SHPRH: variants seen among roughly 807,000 people sequenced by gnomAD.
The protein encoded by SHPRH is E3 ubiquitin-protein ligase SHPRH.
A neutral mutation model predicts 202.5 loss-of-function variants in SHPRH; 106 were observed. The observed-to-expected ratio is 0.52, with a 90% CI of 0.45 to 0.62. The LOEUF is 0.62. SHPRH is among the 20% of genes least tolerant of loss of function. SHPRH has a pLI of 0.00. For missense variants in SHPRH, 1,710 were observed against 2,020.0 expected (o/e 0.85, Z 2.94); for synonymous variants, 729 against 686.0 (o/e 1.06, Z -0.98).
intron 10 of SHPRH, 74 bp from the exon 11 acceptor site, chr6:145,940,875 C>A: frequency 6.9e-7 from 1 of 1,441,812 alleles, no homozygotes; most frequent in South Asian, 1.2e-5. Flanking sequence ...CAGGCATACT[C>A]ATGAAAAACA....
At chr6:145,870,530 G>A (rs1780012431) in intron 2 of SHPRH, among the ~76,000 whole-genome samples, 1 of 152,090 alleles carries the variant, frequency 6.6e-6, no homozygotes, top group Admixed American at 6.5e-5. Flanking sequence ...CCAAAGTGCT[G>A]GGATTACAGG....
chr6:145,887,536 T>G (rs963240053), intron 29 of SHPRH, among the ~76,000 whole-genome samples: 9 of 147,582 alleles, frequency 6.1e-5, no homozygotes, highest in Admixed American at 1.3e-4. Flanking sequence ...CAAGTTTGTT[T>G]TTTTTTTTTT....
downstream of SHPRH, chr6:145,864,128 C>G (rs1019169816): frequency 6.1e-6 from 1 of 163,718 alleles, no homozygotes; most frequent in African/African-American, 2.4e-5. Flanking sequence ...GATCACTTCC[C>G]CTCTCCTTGT....
At chr6:145,893,665 A>C (rs560841632) in intron 27 of SHPRH, among the ~76,000 whole-genome samples, 4 of 152,304 alleles carry the variant, frequency 2.6e-5, no homozygotes, top group African/African-American at 9.6e-5. Flanking sequence ...ATTAAACTAC[A>C]TGAGGTTAGA....
Position 145,964,069 on chromosome 6 carries a change from C to T in SHPRH, c.-371G>A, listed in dbSNP as rs10223508. 0.55 allele frequency: 82,888 copies of T among 151,622 alleles called. 23,108 individuals are homozygous for T. The highest frequency in any genetic ancestry group is 0.67 in the Admixed American group (10,233 of 15,224). 9.4% of individuals were successfully genotyped at this position (151,622 alleles called of 1,614,324 possible). On this transcript the variant is annotated 5_prime_UTR_variant, in exon 1 of 30. Transcript: ENST00000275233. ...CCCGGGCTCCAGGACAACCAGCGTCCTCCCTCCCTGGTCCCGGAGGCCAAA... is the reference window on the plus strand; with the variant it reads ...CCCGGGCTCCAGGACAACCAGCGTCTTCCCTCCCTGGTCCCGGAGGCCAAA...
chr6:145,920,059 A>ATT (rs1325029668), intron 21 of SHPRH, among the ~76,000 whole-genome samples: 2 of 152,090 alleles, frequency 1.3e-5, no homozygotes, highest in Non-Finnish European at 2.9e-5. Context: ...TATTCTTAAT[A>ATT]ATTCAGTTAT....
intron 6 of SHPRH, 68 bp from the exon 7 acceptor site, chr6:145,946,409 T>C: frequency 2.4e-6 from 3 of 1,253,864 alleles, no homozygotes; most frequent in Non-Finnish European, 3.3e-6. Flanking sequence ...CTTATTGAAA[T>C]TAACTTTCCT....
Position 145,893,203 on chromosome 6 carries a change from T to G in SHPRH, c.4874+12A>C. 6.6e-7 allele frequency: 1 copy of G among 1,508,054 alleles called. No individual in the cohort carries two copies. The highest frequency in any genetic ancestry group is 8.9e-7 in the Non-Finnish European group (1 of 1,129,634). The allele number at this position is 1,508,054 out of a possible 1,614,324, so 93.4% of individuals were successfully genotyped here. The stretch of plus-strand genomic sequence containing the variant: ...TGAAGCAAATGTGACTGATTCTAAT[T>G]TTAGTCCTTACTTTGTCTGTCCAAT... On this transcript the variant is annotated intron_variant, in intron 28 of 29. Transcript: ENST00000275233.
downstream of SHPRH, among the ~76,000 whole-genome samples, chr6:145,861,438 AAAG>A (rs1779576924): frequency 6.6e-6 from 1 of 152,048 alleles, no homozygotes; most frequent in African/African-American, 2.4e-5. Context: ...CAAAAAAAAA[AAAG>A]GAGAACAAGT....
chr6:145,933,103 C>T lies in SHPRH; in HGVS notation c.3066G>A (p.Gln1022=). 2 of 1,613,890 alleles carry T rather than the reference C, an allele frequency of 1.2e-6. No homozygotes were observed. The highest frequency in any genetic ancestry group is 1.7e-5 in the Admixed American group (1 of 60,012). ...CGTECEEAHR[Q]LVCALNGLAG... ...CTAAGCCATTGAGAGCACAAACTAG[C>T]TGTCGATGTGCTTCTTCACATTCAG... Residue 1022 remains glutamine, a synonymous_variant, in exon 14 of 30, where the codon CAG becomes CAA. Transcript: ENST00000275233.
intron 1 of SHPRH, among the ~76,000 whole-genome samples, chr6:145,957,304 C>G (rs558106572): frequency 6.6e-6 from 1 of 151,832 alleles, no homozygotes; most frequent in South Asian, 2.1e-4. Context: ...AAAAAAGGCA[C>G]AAAAATTTTT....
In SHPRH at chr6:145,877,978, C is replaced by T. The variant is rs576224149; in HGVS notation, c.221+10042G>A. The T allele has an allele frequency of 2.0e-5, 3 of 152,284 alleles. No individual in the cohort carries two copies. In the South Asian group the frequency reaches 6.2e-4, roughly 32 times the overall value. 9.4% of individuals were successfully genotyped at this position (152,284 alleles called of 1,614,324 possible). On this transcript the variant is annotated intron_variant, in intron 2 of 2. Coordinates refer to the SHPRH transcript ENST00000417762. ...CTCTAAAATATATAAAACCAAGCTG[C>T]ACCCCGACCACCTTGGGCACATGTT...
chr6:145,944,764 T>C lies in SHPRH; in HGVS notation c.1578+617A>G, dbSNP rs577648069. Among the ~76,000 whole-genome samples, 14 of 152,182 alleles carry C rather than the reference T, an allele frequency of 9.2e-5. No individual in the cohort carries two copies. The South Asian group carries it at 1.7e-3, about 18-fold the overall frequency. ...TTATAACTATTTTCCTAAAAGCAAATTGAAATTACTGGCCCAACAGAAGCA... is the reference window on the plus strand; with the variant it reads ...TTATAACTATTTTCCTAAAAGCAAACTGAAATTACTGGCCCAACAGAAGCA... On this transcript the variant is annotated intron_variant, in intron 8 of 29. Coordinates refer to ENST00000275233, the MANE Select transcript of SHPRH (RefSeq NM_001042683.3).
chr6:145,923,858 G>C, intron 17 of SHPRH, 73 bp from the exon 18 acceptor site: 1 of 1,456,384 alleles, frequency 6.9e-7, no homozygotes, highest in Non-Finnish European at 9.3e-7. Context: ...CACTGGGCAG[G>C]GTGATGCCAA....
chr6:145,923,389 A>G (rs1277445650), intron 18 of SHPRH, among the ~76,000 whole-genome samples: 1 of 151,868 alleles, frequency 6.6e-6, no homozygotes, highest in Non-Finnish European at 1.5e-5. Flanking sequence ...TCACATTATG[A>G]AGTGTAAAAT....
chr6:145,912,351 T>A (rs934059596), intron 24 of SHPRH, among the ~76,000 whole-genome samples: 1 of 152,130 alleles, frequency 6.6e-6, no homozygotes, highest in African/African-American at 2.4e-5. Flanking sequence ...TCCAATATGG[T>A]CTTCCAAGTG....
At chr6:145,963,456 C>G (rs1358600409) in intron 1 of SHPRH, among the ~76,000 whole-genome samples, 1 of 152,198 alleles carries the variant, frequency 6.6e-6, no homozygotes, top group Non-Finnish European at 1.5e-5. Context: ...GCTTCCTGGT[C>G]ATTATTTAAC....
chr6:145,919,393 C>T lies in SHPRH; in HGVS notation c.4107G>A (p.Glu1369=), dbSNP rs1784234341. ...TERLRVRDPR[E]PKPNPPVLHI... ...GAAGAACAGGCGGATTAGGCTTTGG[C>T]TCCCTAGGATCACGCACTCTTAGTC... The change falls in exon 22 of 30, where the codon GAG becomes GAA. Residue 1369 remains glutamate, a synonymous_variant. Transcript: ENST00000275233. The T allele has an allele frequency of 1.2e-6, 2 of 1,613,216 alleles. No individual in the cohort carries two copies. Among genetic ancestry groups the T allele is most frequent in the Non-Finnish European group, 1.7e-6 (2 of 1,179,420 alleles).
At position 145,963,936 on chromosome 6, in the gene SHPRH, G is replaced by T. The variant is rs1024910169; in HGVS notation, c.-238C>A. On this transcript the variant is annotated 5_prime_UTR_variant, in exon 1 of 30. It introduces an in-frame stop codon into an upstream open reading frame of the 5' UTR. Coordinates refer to ENST00000275233, the MANE Select transcript of SHPRH (RefSeq NM_001042683.3). ...GGAGAAGCACAGCCTCCTTTCCCAC[G>T]ACCCCACTTTATCCCCGGAGGGACG... 2.0e-5 allele frequency: 3 copies of T among 152,272 alleles called. No homozygotes were observed. Among genetic ancestry groups the T allele is most frequent in the African/African-American group, 7.2e-5 (3 of 41,428 alleles). 9.4% of individuals were successfully genotyped at this position (152,272 alleles called of 1,614,324 possible). A position where few individuals can be genotyped will look rare whatever the true frequency, so the allele number is the denominator to read the frequency against.
Sources: allele counts gnomAD v4.1 joint callset (sites outside exome capture counted in the v4.1 genomes callset), GRCh38; gene constraint gnomAD v4.1.1; transcripts MANE v1.5; gene names NCBI Gene and HGNC (gene_info 2026-07-23, HGNC 2026-07-21).